Variants in ST6GALNAC3 observed in about 807,000 individuals in gnomAD.
The protein encoded by ST6GALNAC3 is ST6 N-acetylgalactosaminide alpha-2,6-sialyltransferase 3.
In ST6GALNAC3, 25 loss-of-function variants were observed where a neutral mutation model predicts 32.7. That is an observed-to-expected ratio of 0.76 (90% CI 0.56 to 1.07). The LOEUF (loss-of-function observed/expected upper bound fraction) is 1.07, where lower values mean the gene tolerates loss of function less well. Ranked by LOEUF, ST6GALNAC3 falls within the 50% of genes least tolerant of loss-of-function variation. The pLI, the probability that ST6GALNAC3 is intolerant of heterozygous loss-of-function variation, is 0.00. For synonymous variants in ST6GALNAC3, 129 were observed against 133.1 expected, an observed-to-expected ratio of 0.97 and a Z score of 0.21; for missense variants, 355 against 382.4, an observed-to-expected ratio of 0.93 and a Z score of 0.60.
intron 1 of ST6GALNAC3, among the ~76,000 whole-genome samples, chr1:76,134,107 A>G (rs12143990): frequency 6.1e-3 from 923 of 152,332 alleles, no homozygotes; most frequent in Non-Finnish European, 9.6e-3. Flanking sequence ...GAGGCCAAGG[A>G]ATAGCTGGAC....
chr1:76,546,043 T>G (rs1664281142), intron 3 of ST6GALNAC3, among the ~76,000 whole-genome samples: 1 of 152,172 alleles, frequency 6.6e-6, no homozygotes, highest in Non-Finnish European at 1.5e-5. Context: ...TACATTGTGT[T>G]GTAATTATAT....
intron 1 of ST6GALNAC3, among the ~76,000 whole-genome samples, chr1:76,235,717 G>C (rs1312374845): frequency 6.7e-6 from 1 of 148,388 alleles, no homozygotes; most frequent in African/African-American, 2.5e-5. Flanking sequence ...CACAAACTGG[G>C]TGACTTAAAT....
At chr1:76,238,154 G>T (rs149071281) in intron 1 of ST6GALNAC3, among the ~76,000 whole-genome samples, 1 of 152,164 alleles carries the variant, frequency 6.6e-6, no homozygotes, top group East Asian at 1.9e-4. Context: ...TTCCCAGCCC[G>T]CACCTTCTAC....
chr1:76,106,648 T>G (rs1013765793), intron 1 of ST6GALNAC3, among the ~76,000 whole-genome samples: 1 of 152,156 alleles, frequency 6.6e-6, no homozygotes, highest in Non-Finnish European at 1.5e-5. Context: ...ACAACATACT[T>G]TTCTTTTCTT....
intron 3 of ST6GALNAC3, among the ~76,000 whole-genome samples, chr1:76,553,750 T>C (rs567961272): frequency 6.6e-6 from 1 of 152,310 alleles, no homozygotes; most frequent in South Asian, 2.1e-4. Context: ...GATCTGATGC[T>C]AAGCAAAGAA....
chr1:76,401,014 A>G (rs1653373160), intron 2 of ST6GALNAC3, among the ~76,000 whole-genome samples: 1 of 151,886 alleles, frequency 6.6e-6, no homozygotes, highest in Non-Finnish European at 1.5e-5. Context: ...TTTTTGTATG[A>G]TGAAGCTTTA....
intron 1 of ST6GALNAC3, among the ~76,000 whole-genome samples, chr1:76,199,158 G>A (rs999118999): frequency 2.0e-5 from 3 of 152,152 alleles, no homozygotes; most frequent in East Asian, 1.9e-4. Flanking sequence ...CTTCTGAAAC[G>A]ATTGGATCCT....
At chr1:76,204,258 T>C (rs1458339244) in intron 1 of ST6GALNAC3, among the ~76,000 whole-genome samples, 3 of 152,240 alleles carry the variant, frequency 2.0e-5, no homozygotes, top group African/African-American at 7.2e-5. Context: ...ATTGTATATA[T>C]ATATCACACT....
At chr1:76,505,621 AAAGATCTCAAT>A (rs1262007058) in intron 3 of ST6GALNAC3, among the ~76,000 whole-genome samples, 1 of 152,196 alleles carries the variant, frequency 6.6e-6, no homozygotes, top group Non-Finnish European at 1.5e-5. Flanking sequence ...CCAAAGAAGC[AAAGATCTCAAT>A]AAGTTTGGAA....
chr1:76,106,937 A>AT (rs113860869), intron 1 of ST6GALNAC3, among the ~76,000 whole-genome samples: 3 of 152,380 alleles, frequency 2.0e-5, no homozygotes, highest in African/African-American at 7.2e-5. Context: ...AGACTTGTAC[A>AT]TAGAGTCTGA....
chr1:76,126,140 C>T (rs528514390), intron 1 of ST6GALNAC3, among the ~76,000 whole-genome samples: 5 of 152,150 alleles, frequency 3.3e-5, no homozygotes, highest in Non-Finnish European at 7.3e-5. Flanking sequence ...TCAAGAGTCT[C>T]GCTGATAAGG....
intron 2 of ST6GALNAC3, among the ~76,000 whole-genome samples, chr1:76,315,842 C>G (rs769536006): frequency 6.6e-6 from 1 of 152,100 alleles, no homozygotes; most frequent in Non-Finnish European, 1.5e-5. Context: ...CTCCAAATTG[C>G]TATTCAATGA....
chr1:76,585,204 G>T (rs1646943662), intron 3 of ST6GALNAC3, among the ~76,000 whole-genome samples: 1 of 152,032 alleles, frequency 6.6e-6, no homozygotes, highest in Admixed American at 6.6e-5. Context: ...GGCCAACATG[G>T]TGAAACCCCA....
At chr1:76,308,128 A>G (rs749613292) in intron 1 of ST6GALNAC3, among the ~76,000 whole-genome samples, 4 of 152,152 alleles carry the variant, frequency 2.6e-5, no homozygotes, top group Non-Finnish European at 5.9e-5. Flanking sequence ...ACTTATATGG[A>G]TAAGTTACAC....
intron 1 of ST6GALNAC3, among the ~76,000 whole-genome samples, chr1:76,296,037 G>T (rs954173866): frequency 2.0e-5 from 3 of 151,998 alleles, no homozygotes; most frequent in African/African-American, 7.2e-5. Flanking sequence ...GGGGTGGTGT[G>T]TTCTGAACGT....
At chr1:76,295,408 T>C (rs1313506847) in intron 1 of ST6GALNAC3, among the ~76,000 whole-genome samples, 1 of 152,098 alleles carries the variant, frequency 6.6e-6, no homozygotes, top group Non-Finnish European at 1.5e-5. Flanking sequence ...TTAGAATCTG[T>C]GTGTATGTGT....
At chr1:76,371,057 C>T (rs1650774671) in intron 2 of ST6GALNAC3, among the ~76,000 whole-genome samples, 1 of 152,054 alleles carries the variant, frequency 6.6e-6, no homozygotes, top group South Asian at 2.1e-4. Context: ...AATTCCAGTC[C>T]ATTTTGTTCA....
intron 1 of ST6GALNAC3, among the ~76,000 whole-genome samples, chr1:76,309,249 TGTCTTTTATGGTTTTATTTCG>T (rs1646707499): frequency 6.6e-6 from 1 of 152,154 alleles, no homozygotes; most frequent in African/African-American, 2.4e-5. Context: ...AAGCATGGTG[TGTCTTTTATGGTTTTATTTCG>T]GTTTTTTCAG....
In ST6GALNAC3 at chr1:76,323,388, A is replaced by G. The variant is rs151088279; in HGVS notation, c.213+9389A>G. Among the ~76,000 whole-genome samples, 5 of 152,292 alleles carry G rather than the reference A, an allele frequency of 3.3e-5. 1 individual carries two copies. Among genetic ancestry groups the G allele is most frequent in the African/African-American group, 1.2e-4 (5 of 41,566 alleles). On this transcript the variant is annotated intron_variant, in intron 2 of 4. Coordinates refer to ENST00000328299, the MANE Select transcript of ST6GALNAC3 (RefSeq NM_152996.4). ...TTTTAGCTCTTACAGAGTACATACT[A>G]TTTTACTGATTTAACTAATTTTTCA...
Sources: allele counts gnomAD v4.1 joint callset (sites outside exome capture counted in the v4.1 genomes callset), GRCh38; gene constraint gnomAD v4.1.1; transcripts MANE v1.5; gene names NCBI Gene and HGNC (gene_info 2026-07-23, HGNC 2026-07-21).